JAK1: variants seen among roughly 807,000 people sequenced by gnomAD.
JAK1 encodes tyrosine-protein kinase JAK1.
In JAK1, 16 loss-of-function variants were observed where a neutral mutation model predicts 136.6. That is an observed-to-expected ratio of 0.12 (90% confidence interval 0.08 to 0.18). JAK1 has a LOEUF of 0.18. Ranked by LOEUF, JAK1 falls within the 10% of genes least tolerant of loss-of-function variation. The pLI is 1.00. For synonymous variants in JAK1, 492 were observed against 519.5 expected (o/e 0.95, Z 0.72); for missense variants, 859 against 1,450.1 (o/e 0.59, Z 6.62).
intron 1 of JAK1, chr1:65,067,580 C>G (rs1414771895): frequency 6.8e-6 from 1 of 146,258 alleles, no homozygotes; most frequent in Non-Finnish European, 1.5e-5. Flanking sequence ...CGCCCCCGCG[C>G]CCGGCCGCCG....
chr1:64,946,697 G>C (rs1057445879), intron 1 of JAK1, among the ~76,000 whole-genome samples: 6 of 152,182 alleles, frequency 3.9e-5, no homozygotes, highest in Admixed American at 3.3e-4. Flanking sequence ...TCAAATGAGA[G>C]TTATCCAAAA....
At chr1:64,868,019 AGAGAGAGAGT>A (rs1656815320) in intron 6 of JAK1, among the ~76,000 whole-genome samples, 1 of 151,176 alleles carries the variant, frequency 6.6e-6, no homozygotes, top group Non-Finnish European at 1.5e-5. Context: ...AAAGAGAGAG[AGAGAGAGAGT>A]GAGAGAGAGA....
intron 2 of JAK1, chr1:64,993,301 C>T (rs1646674893): frequency 6.6e-6 from 1 of 152,176 alleles, no homozygotes; most frequent in African/African-American, 2.4e-5. Flanking sequence ...TTGGCTCTGT[C>T]CTCTCCTGTG....
intron 22 of JAK1, 119 bp from the exon 23 acceptor site, chr1:64,836,334 T>C (rs879544888): frequency 2.6e-5 from 18 of 697,434 alleles, no homozygotes; most frequent in Non-Finnish European, 3.9e-5. Context: ...AGCATCTGAC[T>C]GTGTATTATA....
intron 1 of JAK1, among the ~76,000 whole-genome samples, chr1:64,902,038 C>A (rs1570738201): frequency 6.6e-6 from 1 of 152,068 alleles, no homozygotes; most frequent in Non-Finnish European, 1.5e-5. Flanking sequence ...GATGATGATA[C>A]TCCTTAATCT....
intron 1 of JAK1, among the ~76,000 whole-genome samples, chr1:65,063,552 C>T (rs1310595058): frequency 6.6e-6 from 1 of 152,014 alleles, no homozygotes; most frequent in African/African-American, 2.4e-5. Flanking sequence ...GCCTGTAATC[C>T]CAGCAGTTTG....
Position 64,834,666 on chromosome 1 carries a change from A to T in JAK1, c.3370-9T>A. 1 of 1,547,160 alleles carries T rather than the reference A, an allele frequency of 6.5e-7. No individual in the cohort carries two copies. The highest frequency in any genetic ancestry group is 8.9e-7 in the Non-Finnish European group (1 of 1,120,628). On this transcript the variant is annotated splice_polypyrimidine_tract_variant and intron_variant, in intron 24 of 24. Coordinates refer to ENST00000342505, the MANE Select transcript of JAK1 (RefSeq NM_002227.4). Reference sequence around the variant, plus strand: ...CTCATAAGTTGATAAACCTGTAAAAAGAAAGAAGTAACAACAGTAAAAATG... The same window carrying T: ...CTCATAAGTTGATAAACCTGTAAAATGAAAGAAGTAACAACAGTAAAAATG...
At chr1:64,847,697 T>C in intron 12 of JAK1, 22 bp from the exon 13 acceptor site, 1 of 1,611,988 alleles carries the variant, frequency 6.2e-7, no homozygotes. Context: ...AGCAGAAGGC[T>C]GGGTGACCTC....
At chr1:64,858,776 G>GT (rs1170918743) in intron 9 of JAK1, among the ~76,000 whole-genome samples, 1 of 152,182 alleles carries the variant, frequency 6.6e-6, no homozygotes, top group Non-Finnish European at 1.5e-5. Context: ...ATCTCAGGAG[G>GT]TAACAACTGC....
chr1:65,049,159 T>C (rs909913585), intron 1 of JAK1, among the ~76,000 whole-genome samples: 1 of 152,156 alleles, frequency 6.6e-6, no homozygotes, highest in Admixed American at 6.5e-5. Flanking sequence ...TGGTGGCTCA[T>C]GCCTGTAATC....
At chr1:64,898,800 C>G (rs1645063531) in intron 1 of JAK1, among the ~76,000 whole-genome samples, 1 of 152,178 alleles carries the variant, frequency 6.6e-6, no homozygotes. Context: ...CAGGTGCTCC[C>G]TGAACATTTC....
chr1:64,892,913 A>C (rs2101376710), intron 1 of JAK1, among the ~76,000 whole-genome samples: 1 of 152,274 alleles, frequency 6.6e-6, no homozygotes, highest in South Asian at 2.1e-4. Context: ...CATGCCAAAA[A>C]TCTTACAATC....
At chr1:64,858,165 G>T (rs1456443435) in intron 9 of JAK1, among the ~76,000 whole-genome samples, 1 of 152,200 alleles carries the variant, frequency 6.6e-6, no homozygotes, top group Non-Finnish European at 1.5e-5. Flanking sequence ...CATGGGGGTG[G>T]GAACTGGAGG....
chr1:65,053,030 CAAAAAAAAAA>C (rs780968006), intron 1 of JAK1, among the ~76,000 whole-genome samples: 41 of 43,710 alleles, frequency 9.4e-4, no homozygotes, highest in Non-Finnish European at 1.6e-3. Context: ...ACTCTTGTCT[CAAAAAAAAAA>C]AAAAAAAAAA....
chr1:64,962,443 G>A (rs1646298537), intron 1 of JAK1, among the ~76,000 whole-genome samples: 1 of 152,158 alleles, frequency 6.6e-6, no homozygotes, highest in East Asian at 1.9e-4. Context: ...AAGAATGTGT[G>A]CCCACTGCCA....
At chr1:64,853,946 T>C (rs1012453387) in intron 11 of JAK1, among the ~76,000 whole-genome samples, 4 of 152,216 alleles carry the variant, frequency 2.6e-5, no homozygotes, top group Non-Finnish European at 5.9e-5. Flanking sequence ...TGGGGTTCGT[T>C]CCAGTGTGTT....
At chr1:65,029,768 T>A (rs376065106) in intron 2 of JAK1, among the ~76,000 whole-genome samples, 10 of 152,058 alleles carry the variant, frequency 6.6e-5, no homozygotes, top group Admixed American at 3.3e-4. Flanking sequence ...TGAGAACGCA[T>A]GGACACATAG....
At chr1:64,936,797 G>C (rs1431035154) in intron 1 of JAK1, among the ~76,000 whole-genome samples, 1 of 152,066 alleles carries the variant, frequency 6.6e-6, no homozygotes, top group Non-Finnish European at 1.5e-5. Flanking sequence ...AAGAGGCTAA[G>C]CCAACGTTTC....
In JAK1 at chr1:64,910,747, C is replaced by T. The variant is rs77895447; in HGVS notation, c.-77-24406G>A. Among the ~76,000 whole-genome samples, 7 of 149,866 alleles carry T rather than the reference C, an allele frequency of 4.7e-5. No homozygotes were observed. In the South Asian group the frequency reaches 1.1e-3, roughly 22 times the overall value. On this transcript the variant is annotated intron_variant, in intron 1 of 24. Transcript: ENST00000342505. ...TACTGAGATTACAGTAGGAGACTGA[C>T]GCAGGAGAATAGTTTGAACCTGGGA...
Sources: gnomAD v4.1 joint callset for allele counts (sites outside exome capture counted in the v4.1 genomes callset) on GRCh38, gnomAD v4.1.1 for gene constraint, MANE v1.5 for transcripts, NCBI Gene and HGNC (gene_info 2026-07-23, HGNC 2026-07-21) for gene names.